Variants in VWA8 observed in about 807,000 individuals in gnomAD.
VWA8 encodes the protein von Willebrand factor A domain containing 8, also known as von Willebrand factor A domain-containing protein 8.
VWA8 carries 221 observed loss-of-function variants against 241.5 expected under a neutral mutation model. The ratio of observed to expected loss-of-function variants is 0.91; its 90% CI spans 0.82 to 1.02. The LOEUF (loss-of-function observed/expected upper bound fraction) is 1.02, where lower values mean the gene tolerates loss of function less well. VWA8 is among the 50% of genes least tolerant of loss of function. The pLI is 0.00. For missense variants in VWA8, 2,322 were observed against 2,328.7 expected, an observed-to-expected ratio of 1.00 and a Z score of 0.06; for synonymous variants, 852 against 827.1, an observed-to-expected ratio of 1.03 and a Z score of -0.52.
chr13:41,583,642 C>CAAAAA (rs935505646), intron 42 of VWA8, among the ~76,000 whole-genome samples: 13 of 42,000 alleles, frequency 3.1e-4, no homozygotes, highest in South Asian at 8.6e-4. Context: ...GACTCCATCT[C>CAAAAA]AAAAAAAAAA....
Position 41,912,044 on chromosome 13 carries a change from C to T in VWA8, c.366G>A (p.Gln122=), listed in dbSNP as rs773862715. The stretch of plus-strand genomic sequence containing the variant: ...ACAAGAATTAACTGCTCACCAAGTA[C>T]TGCATAGCAATAGAGCGTCGAAGAG... The part of the protein sequence containing the change: ...PGPLRRSIAM[Q]YLELTKREVE... Residue 122 remains glutamine, a synonymous_variant, in exon 3 of 45, where the codon CAG becomes CAA. Transcript: ENST00000379310. The T allele has an allele frequency of 1.9e-6, 3 of 1,586,868 alleles. No homozygotes were observed. Among genetic ancestry groups the T allele is most frequent in the African/African-American group, 2.7e-5 (2 of 74,584 alleles).
At chr13:41,926,715 A>G (rs1227887546) in intron 2 of VWA8, 10 of 536,086 alleles carry the variant, frequency 1.9e-5, no homozygotes, top group South Asian at 7.2e-5. Flanking sequence ...GATGGCCCAT[A>G]GGGCCAGGCC....
chr13:41,882,253 G>A (rs1488190997), intron 9 of VWA8, among the ~76,000 whole-genome samples: 4 of 150,494 alleles, frequency 2.7e-5, no homozygotes, highest in South Asian at 2.1e-4. Flanking sequence ...GATGGCGACC[G>A]GGAAGAGGCG....
At chr13:41,669,117 GC>G (rs2045005277) in intron 37 of VWA8, among the ~76,000 whole-genome samples, 1 of 152,038 alleles carries the variant, frequency 6.6e-6, no homozygotes, top group Non-Finnish European at 1.5e-5. Flanking sequence ...ACAGGCATGT[GC>G]CACCATGCCC....
At chr13:41,663,856 G>A (rs1356020430) in intron 37 of VWA8, among the ~76,000 whole-genome samples, 5 of 151,178 alleles carry the variant, frequency 3.3e-5, no homozygotes, top group Non-Finnish European at 5.9e-5. Context: ...TTGAACCGTC[G>A]TTAAGTCGGG....
chr13:41,582,821 A>T (rs570128115), intron 42 of VWA8, among the ~76,000 whole-genome samples: 1 of 152,286 alleles, frequency 6.6e-6, no homozygotes, highest in East Asian at 1.9e-4. Context: ...AATTCCACTA[A>T]TAGTGGTTGT....
intron 41 of VWA8, among the ~76,000 whole-genome samples, chr13:41,589,740 C>T (rs932332705): frequency 1.3e-5 from 2 of 152,232 alleles, no homozygotes; most frequent in Non-Finnish European, 2.9e-5. Context: ...AGTCTGTCAA[C>T]ACACCTGGAC....
intron 4 of VWA8, among the ~76,000 whole-genome samples, chr13:41,902,017 A>G (rs1875475598): frequency 1.3e-5 from 2 of 151,094 alleles, no homozygotes; most frequent in Admixed American, 1.3e-4. Flanking sequence ...TCTAACACAG[A>G]GGCCACAGTA....
chr13:41,710,167 T>C (rs2045307553), intron 26 of VWA8, among the ~76,000 whole-genome samples: 1 of 152,174 alleles, frequency 6.6e-6, no homozygotes, highest in Non-Finnish European at 1.5e-5. Flanking sequence ...CTATGGTAAA[T>C]TTTCCCTTTG....
chr13:41,926,656 AG>A (rs1395072789), intron 2 of VWA8: 3 of 542,636 alleles, frequency 5.5e-6, no homozygotes, highest in Non-Finnish European at 1.1e-5. Context: ...AGATGGTTTC[AG>A]GGATGGTAAA....
intron 24 of VWA8, among the ~76,000 whole-genome samples, chr13:41,725,280 T>G (rs1378534526): frequency 6.6e-6 from 1 of 152,138 alleles, no homozygotes; most frequent in African/African-American, 2.4e-5. Flanking sequence ...GATTGAAGCT[T>G]CTCATACATT....
At chr13:41,618,876 G>C (rs1003061126) in intron 37 of VWA8, among the ~76,000 whole-genome samples, 1 of 152,190 alleles carries the variant, frequency 6.6e-6, no homozygotes, top group African/African-American at 2.4e-5. Flanking sequence ...GATTACTGTA[G>C]CCTTGTAGTA....
At chr13:41,764,067 T>C (rs1234905303) in intron 20 of VWA8, among the ~76,000 whole-genome samples, 1 of 152,136 alleles carries the variant, frequency 6.6e-6, no homozygotes, top group Non-Finnish European at 1.5e-5. Flanking sequence ...TTCTTAACCG[T>C]CAACTGAACT....
At chr13:41,806,564 A>G (rs1870219221) in intron 17 of VWA8, among the ~76,000 whole-genome samples, 2 of 152,026 alleles carry the variant, frequency 1.3e-5, no homozygotes, top group South Asian at 4.1e-4. Flanking sequence ...TTAGCTGGGC[A>G]TGGTGGCACG....
chr13:41,632,041 T>C (rs1411049361), intron 37 of VWA8, among the ~76,000 whole-genome samples: 4 of 152,200 alleles, frequency 2.6e-5, no homozygotes. Context: ...CATTCAATAC[T>C]ATGGTAAATT....
chr13:41,642,907 C>T (rs2044806332), intron 37 of VWA8, among the ~76,000 whole-genome samples: 1 of 151,824 alleles, frequency 6.6e-6, no homozygotes, highest in Non-Finnish European at 1.5e-5. Flanking sequence ...CCAGCCTGGG[C>T]AATGGAGCAA....
chr13:41,633,888 T>C (rs908133960), intron 37 of VWA8, among the ~76,000 whole-genome samples: 1 of 152,172 alleles, frequency 6.6e-6, no homozygotes, highest in Non-Finnish European at 1.5e-5. Context: ...TTGAAATTCT[T>C]ACTCCTAAAA....
At chr13:41,629,571 A>G (rs2139673427) in intron 37 of VWA8, among the ~76,000 whole-genome samples, 1 of 152,324 alleles carries the variant, frequency 6.6e-6, no homozygotes, top group South Asian at 2.1e-4. Context: ...TCAATACTGT[A>G]ATAAAAGTGT....
chr13:41,949,845 A>G (rs1878040963), intron 2 of VWA8, 91 bp downstream of exon 2: 2 of 727,170 alleles, frequency 2.8e-6, no homozygotes, highest in Admixed American at 3.0e-5. Flanking sequence ...CATTAGGTTT[A>G]TACTATTCTC....
Sources: allele counts gnomAD v4.1 joint callset (sites outside exome capture counted in the v4.1 genomes callset), GRCh38; gene constraint gnomAD v4.1.1; transcripts MANE v1.5; gene names NCBI Gene and HGNC (gene_info 2026-07-23, HGNC 2026-07-21).